ALDH1A2: variants seen among roughly 807,000 people sequenced by gnomAD.
ALDH1A2 encodes retinal dehydrogenase 2.
In ALDH1A2, 27 loss-of-function variants were observed where a neutral mutation model predicts 60.3. The observed-to-expected ratio is 0.45, with a 90% CI of 0.33 to 0.62. The LOEUF (loss-of-function observed/expected upper bound fraction) is 0.62. Among genes scored for constraint, ALDH1A2 ranks in the 20% least tolerant of loss-of-function variants. The probability of loss-of-function intolerance (pLI) is 0.02; values close to 1 mark genes in which losing one functional copy is unlikely to be tolerated. For synonymous variants in ALDH1A2, 289 were observed against 232.4 expected, an observed-to-expected ratio of 1.24 and a Z score of -2.21; for missense variants, 581 against 643.8, an observed-to-expected ratio of 0.90 and a Z score of 1.06.
intron 3 of ALDH1A2, chr15:58,011,985 G>C (rs1424577679): frequency 2.0e-5 from 3 of 152,104 alleles, no homozygotes; most frequent in Non-Finnish European, 4.4e-5. Flanking sequence ...GCCAGCTCTA[G>C]GACTATTTTC....
intron 1 of ALDH1A2, among the ~76,000 whole-genome samples, chr15:58,020,672 T>C (rs571865786): frequency 7.2e-4 from 109 of 152,326 alleles, no homozygotes; most frequent in African/African-American, 2.6e-3. Context: ...ACCACTAACC[T>C]GTATTTTTAA....
intron 1 of ALDH1A2, among the ~76,000 whole-genome samples, chr15:58,017,169 T>A (rs1312034260): frequency 6.6e-6 from 1 of 152,204 alleles, no homozygotes; most frequent in Non-Finnish European, 1.5e-5. Flanking sequence ...CATGATATTC[T>A]AACCCATTAA....
intron 1 of ALDH1A2, among the ~76,000 whole-genome samples, chr15:58,061,595 C>CAAAAAAAAAAAAAAAAAAAAAAA (rs879500544): frequency 9.2e-5 from 4 of 43,326 alleles, no homozygotes; most frequent in Non-Finnish European, 9.9e-5. Context: ...CTCCTTCCCT[C>CAAAAAAAAAAAAAAAAAAAAAAA]AAAAAAAAAA....
At chr15:58,011,936 C>G (rs1393773588) in intron 3 of ALDH1A2, among the ~76,000 whole-genome samples, 1 of 152,076 alleles carries the variant, frequency 6.6e-6, no homozygotes, top group East Asian at 1.9e-4. Flanking sequence ...CTAAATGGTC[C>G]CTGTGAGCTG....
In ALDH1A2 at chr15:57,953,730, T is replaced by C. The variant is rs1479186444; in HGVS notation, c.*1467A>G. On this transcript the variant is annotated 3_prime_UTR_variant, in exon 13 of 13. Coordinates refer to ENST00000249750, the MANE Select transcript of ALDH1A2 (RefSeq NM_003888.4). ...GTTATAAATAGAAAACTGGTACGGT[T>C]AAGAAGCAGAAGATCGTTAAATACA... The C allele has an allele frequency of 4.6e-5, 7 of 152,356 alleles. No individual in the cohort carries two copies. The highest frequency in any genetic ancestry group is 8.8e-5 in the Non-Finnish European group (6 of 68,032). The allele number at this position is 152,356 out of a possible 1,614,324, so 9.4% of individuals were successfully genotyped here. A position where few individuals can be genotyped will look rare whatever the true frequency, so the allele number is the denominator to read the frequency against.
intron 4 of ALDH1A2, among the ~76,000 whole-genome samples, chr15:58,009,624 T>A (rs748173111): frequency 6.6e-6 from 1 of 151,110 alleles, no homozygotes; most frequent in African/African-American, 2.4e-5. Context: ...CCTTTCCTTA[T>A]GTCTATTCAC....
intron 7 of ALDH1A2, among the ~76,000 whole-genome samples, chr15:57,974,377 G>A (rs555173788): frequency 1.4e-5 from 2 of 145,682 alleles, no homozygotes; most frequent in East Asian, 2.0e-4. Context: ...AGCTTGCAGT[G>A]AGCCAAGATC....
chr15:58,015,478 T>C (rs1298529215), intron 1 of ALDH1A2, among the ~76,000 whole-genome samples: 4 of 152,238 alleles, frequency 2.6e-5, no homozygotes, highest in Non-Finnish European at 4.4e-5. Context: ...CACAGCTGTA[T>C]TGATACAAAC....
chr15:57,955,157 C>T lies in ALDH1A2; in HGVS notation c.*40G>A. The T allele has an allele frequency of 1.3e-6, 2 of 1,588,874 alleles. No homozygotes were observed. Among genetic ancestry groups the T allele is most frequent in the Non-Finnish European group, 1.7e-6 (2 of 1,157,048 alleles). ...GCCCTACAGAGAAAGCAGAGAGGGA[C>T]AGACGTGCAGGCTGGGCTTCATCCT... is the stretch of plus-strand genomic sequence containing the variant. On this transcript the variant is annotated 3_prime_UTR_variant, in exon 13 of 13. Coordinates refer to ENST00000249750, the MANE Select transcript of ALDH1A2 (RefSeq NM_003888.4).
chr15:58,022,852 G>C (rs1895969863), intron 1 of ALDH1A2, among the ~76,000 whole-genome samples: 1 of 151,918 alleles, frequency 6.6e-6, no homozygotes, highest in Non-Finnish European at 1.5e-5. Flanking sequence ...TACACCTTCA[G>C]GAAAAATTCC....
At chr15:58,030,419 T>G (rs981433640) in intron 1 of ALDH1A2, among the ~76,000 whole-genome samples, 1 of 151,940 alleles carries the variant, frequency 6.6e-6, no homozygotes, top group East Asian at 1.9e-4. Flanking sequence ...TATGACAAAC[T>G]CACAGCCAAT....
chr15:57,956,349 TAAGA>T (rs1460154825), intron 12 of ALDH1A2, among the ~76,000 whole-genome samples: 4 of 152,214 alleles, frequency 2.6e-5, no homozygotes, highest in African/African-American at 9.7e-5. Flanking sequence ...ATTAAATGAT[TAAGA>T]AAGGCTGTCT....
At chr15:57,965,284 A>T (rs1219756612) in intron 8 of ALDH1A2, among the ~76,000 whole-genome samples, 2 of 152,230 alleles carry the variant, frequency 1.3e-5, no homozygotes, top group African/African-American at 4.8e-5. Flanking sequence ...AATTGACTAA[A>T]CAGAGAAGGG....
At chr15:58,012,033 T>C (rs1242225035) in intron 3 of ALDH1A2, 2 of 152,180 alleles carry the variant, frequency 1.3e-5, no homozygotes, top group Non-Finnish European at 2.9e-5. Context: ...AGCTTCAGTT[T>C]TCCAGTCAGG....
At chr15:57,958,309 G>C (rs1226262145) in intron 12 of ALDH1A2, among the ~76,000 whole-genome samples, 1 of 151,114 alleles carries the variant, frequency 6.6e-6, no homozygotes, top group Non-Finnish European at 1.5e-5. Context: ...AAAATGCTGA[G>C]GTTCACAGAA....
In ALDH1A2 at chr15:57,959,965, C is replaced by T. The variant is rs187782579; in HGVS notation, c.1484+805G>A. On this transcript the variant is annotated intron_variant, in intron 12 of 12. Transcript: ENST00000249750. ...TCTCCCCCACTGCTACCCTGTTTTG[C>T]CCGACAAACTTGAAAATATATTCCC... Among the ~76,000 whole-genome samples the T allele has an allele frequency of 3.2e-3, 489 of 152,200 alleles. 3 individuals are homozygous for T. The highest frequency in any genetic ancestry group is 0.011 in the African/African-American group (468 of 41,520).
intron 1 of ALDH1A2, among the ~76,000 whole-genome samples, chr15:58,043,766 AG>A (rs1896574654): frequency 6.6e-6 from 1 of 151,960 alleles, no homozygotes; most frequent in Non-Finnish European, 1.5e-5. Context: ...GAAATTATTC[AG>A]TACACCAAGA....
intron 7 of ALDH1A2, chr15:57,980,639 G>T (rs981374552): frequency 9.9e-6 from 2 of 201,486 alleles, no homozygotes; most frequent in South Asian, 2.4e-4. Flanking sequence ...GAACTGCGTG[G>T]AACTCATGGC....
At chr15:58,004,578 T>C (rs924694731) in intron 4 of ALDH1A2, among the ~76,000 whole-genome samples, 22 of 151,660 alleles carry the variant, frequency 1.5e-4, no homozygotes, top group African/African-American at 4.8e-4. Context: ...CATGTGGTAT[T>C]AGTTTCTGTT....
Sources: allele counts gnomAD v4.1 joint callset (sites outside exome capture counted in the v4.1 genomes callset), GRCh38; gene constraint gnomAD v4.1.1; transcripts MANE v1.5; gene names NCBI Gene and HGNC (gene_info 2026-07-23, HGNC 2026-07-21).